TRIP12: variants seen among roughly 807,000 people sequenced by gnomAD.
TRIP12 encodes the protein E3 ubiquitin-protein ligase TRIP12.
In TRIP12, 25 loss-of-function variants were observed where a neutral mutation model predicts 244.2. The observed-to-expected ratio is 0.10, with a 90% CI of 0.07 to 0.14. The LOEUF is 0.14. Among genes scored for constraint, TRIP12 ranks in the 10% least tolerant of loss-of-function variants. TRIP12 has a pLI of 1.00. For synonymous variants in TRIP12, 905 were observed against 873.1 expected (o/e 1.04, Z -0.64); for missense variants, 1,677 against 2,486.4 (o/e 0.67, Z 6.92).
intron 9 of TRIP12, among the ~76,000 whole-genome samples, chr2:229,816,944 CAGAA>C (rs1215181990): frequency 5.3e-5 from 8 of 152,238 alleles, no homozygotes; most frequent in African/African-American, 1.9e-4. Context: ...ATGAAACACT[CAGAA>C]AGCAACATGT....
At chr2:229,816,335 A>C (rs2048492572) in intron 9 of TRIP12, among the ~76,000 whole-genome samples, 1 of 152,004 alleles carries the variant, frequency 6.6e-6, no homozygotes, top group African/African-American at 2.4e-5. Flanking sequence ...TAAAAAAAAA[A>C]AAAAAACTAT....
At chr2:229,803,252 C>T (rs1482940433) in intron 20 of TRIP12, among the ~76,000 whole-genome samples, 1 of 152,118 alleles carries the variant, frequency 6.6e-6, no homozygotes, top group Admixed American at 6.5e-5. Context: ...TTGACATCAG[C>T]CCAGGTGTGC....
intron 13 of TRIP12, among the ~76,000 whole-genome samples, chr2:229,812,499 T>G (rs1245300187): frequency 1.3e-5 from 2 of 152,352 alleles, no homozygotes; most frequent in East Asian, 3.9e-4. Context: ...TCACTACTAT[T>G]TTATCTTACA....
In TRIP12 at chr2:229,859,040, C is replaced by T. The variant is rs746987202; in HGVS notation, c.759G>A (p.Ser253=). 2.9e-5 allele frequency: 47 copies of T among 1,613,932 alleles called. No homozygotes were observed. Among genetic ancestry groups the T allele is most frequent in the Non-Finnish European group, 3.8e-5 (45 of 1,180,022 alleles). Residue 253 remains serine, a synonymous_variant, in exon 4 of 42, where the codon TCG becomes TCA. Coordinates refer to ENST00000675903, the MANE Select transcript of TRIP12 (RefSeq NM_001348323.3). ...STSSSSSAVA[S]ASSTVPPGAR... Reference sequence around the variant, plus strand: ...CACCTGGTGGTACAGTGGAGGAGGCCGAGGCTACAGCAGAAGACGAGGAGG... The same window carrying T: ...CACCTGGTGGTACAGTGGAGGAGGCTGAGGCTACAGCAGAAGACGAGGAGG...
At chr2:229,882,058 C>T (rs1441572824) in intron 1 of TRIP12, among the ~76,000 whole-genome samples, 1 of 152,194 alleles carries the variant, frequency 6.6e-6, no homozygotes, top group East Asian at 1.9e-4. Context: ...ACAAGTTGTA[C>T]ATAATCTTGC....
At chr2:229,866,119 T>G (rs561248160) in intron 2 of TRIP12, among the ~76,000 whole-genome samples, 2 of 152,290 alleles carry the variant, frequency 1.3e-5, no homozygotes, top group East Asian at 3.9e-4. Flanking sequence ...TGGTAATATA[T>G]GAAAACCTTA....
intron 7 of TRIP12, among the ~76,000 whole-genome samples, chr2:229,829,930 C>A (rs2052854405): frequency 2.0e-5 from 3 of 152,208 alleles, no homozygotes; most frequent in South Asian, 4.1e-4. Flanking sequence ...GCCTGGGCAA[C>A]AGAGTGAGAT....
chr2:229,862,356 A>C (rs1305194431), intron 2 of TRIP12, among the ~76,000 whole-genome samples: 1 of 152,200 alleles, frequency 6.6e-6, no homozygotes, highest in Non-Finnish European at 1.5e-5. Flanking sequence ...ACTATTTTTC[A>C]AATCATTCCA....
intron 21 of TRIP12, among the ~76,000 whole-genome samples, 176 bp from the exon 22 acceptor site, chr2:229,799,559 G>A (rs1026316813): frequency 5.9e-5 from 9 of 152,126 alleles, no homozygotes; most frequent in Admixed American, 2.6e-4. Flanking sequence ...GGCAGATCAC[G>A]AGGTCAGGAG....
chr2:229,864,039 AGAGAGAGAGTGTGT>A (rs1477530948), intron 2 of TRIP12, among the ~76,000 whole-genome samples: 34 of 79,246 alleles, frequency 4.3e-4, no homozygotes, highest in Middle Eastern at 5.6e-3. Context: ...AGAGAGAGAG[AGAGAGAGAGTGTGT>A]GTGTGTGTGT....
intron 1 of TRIP12, chr2:229,894,478 G>GA (rs946608302): frequency 4.6e-5 from 7 of 151,704 alleles, no homozygotes; most frequent in African/African-American, 7.3e-5. Context: ...TGAAATAAGG[G>GA]AAAAAAAACT....
intron 1 of TRIP12, among the ~76,000 whole-genome samples, chr2:229,919,244 T>C (rs2154383607): frequency 6.6e-6 from 1 of 152,162 alleles, no homozygotes; most frequent in East Asian, 1.9e-4. Flanking sequence ...GGTGAAACTC[T>C]GTCTCTACTA....
At chr2:229,790,504 T>C (rs1170113935) in intron 30 of TRIP12, among the ~76,000 whole-genome samples, 2 of 148,176 alleles carry the variant, frequency 1.3e-5, no homozygotes, top group African/African-American at 2.5e-5. Flanking sequence ...AGTGTGAAAA[T>C]TACTGTGGTG....
intron 2 of TRIP12, among the ~76,000 whole-genome samples, chr2:229,871,077 C>T (rs1488451682): frequency 2.0e-5 from 3 of 151,572 alleles, no homozygotes; most frequent in African/African-American, 4.9e-5. Flanking sequence ...AGGAGGCTGA[C>T]GCAGGAGGAT....
At chr2:229,836,252 G>T (rs1395522219) in intron 6 of TRIP12, among the ~76,000 whole-genome samples, 1 of 152,116 alleles carries the variant, frequency 6.6e-6, no homozygotes, top group African/African-American at 2.4e-5. Context: ...TTTATCAGTT[G>T]TTCATGTCAT....
Position 229,785,854 on chromosome 2 carries a change from C to T in TRIP12, c.4997G>A (p.Arg1666His), listed in dbSNP as rs1450608297. The part of the protein sequence containing the change: ...RVAPRLDRKK[R>H]TVNREELLKQ... ...CAGCAGCTCCTCTCGGTTCACAGTA[C>T]GCTACAAAGAAAGTACAACTGTCAG... is the stretch of plus-strand genomic sequence containing the variant. Residue 1666 changes from arginine to histidine, a missense_variant and splice_region_variant, in exon 34 of 42, where the codon CGT becomes CAT. Arg to His is a conservative substitution (Grantham distance 29). This residue lies in a region of TRIP12 where 30 missense variants were observed against 64.7 expected (regional missense o/e 0.46). Coordinates refer to ENST00000675903, the MANE Select transcript of TRIP12 (RefSeq NM_001348323.3). 5 of 1,610,854 alleles carry T rather than the reference C, an allele frequency of 3.1e-6. No homozygotes were observed. Among genetic ancestry groups the T allele is most frequent in the Non-Finnish European group, 3.4e-6 (4 of 1,178,820 alleles).
intron 2 of TRIP12, among the ~76,000 whole-genome samples, chr2:229,864,965 C>T (rs1340331303): frequency 1.3e-5 from 2 of 152,024 alleles, no homozygotes; most frequent in Non-Finnish European, 2.9e-5. Context: ...AATTAAAAAC[C>T]ATCTCTAGTC....
intron 1 of TRIP12, among the ~76,000 whole-genome samples, chr2:229,887,804 G>C (rs906176106): frequency 1.3e-5 from 2 of 152,130 alleles, no homozygotes; most frequent in Admixed American, 1.3e-4. Context: ...TTAATTTTCT[G>C]CAAGAGCATC....
chr2:229,771,643 A>G lies in TRIP12; in HGVS notation c.5695-11T>C, dbSNP rs929588260. 2.1e-5 allele frequency: 34 copies of G among 1,601,050 alleles called. 1 individual carries two copies. Among genetic ancestry groups the G allele is most frequent in the Non-Finnish European group, 2.7e-5 (32 of 1,168,886 alleles). On this transcript the variant is annotated splice_polypyrimidine_tract_variant and intron_variant, in intron 38 of 41. Coordinates refer to ENST00000675903, the MANE Select transcript of TRIP12 (RefSeq NM_001348323.3). Reference sequence around the variant, plus strand: ...CCAGAATATAACCAGCTGCAAAAAGAAAGTTTTCAAAAAACTGTGACAAGA... The same window carrying G: ...CCAGAATATAACCAGCTGCAAAAAGGAAGTTTTCAAAAAACTGTGACAAGA...
Sources: gnomAD v4.1 joint callset for allele counts (sites outside exome capture counted in the v4.1 genomes callset) on GRCh38, gnomAD v4.1.1 for gene constraint, gnomAD v4.1.1 regional missense constraint, MANE v1.5 for transcripts, NCBI Gene and HGNC (gene_info 2026-07-23, HGNC 2026-07-21) for gene names.